RGS6: variants seen among roughly 807,000 people sequenced by gnomAD.
The protein encoded by RGS6 is regulator of G protein signaling 6.
RGS6 carries 30 observed loss-of-function variants against 78.5 expected under a neutral mutation model. The ratio of observed to expected loss-of-function variants is 0.38; its 90% confidence interval spans 0.29 to 0.52. RGS6 has a LOEUF of 0.52. Ranked by LOEUF, RGS6 falls within the 20% of genes least tolerant of loss-of-function variation. The probability of loss-of-function intolerance (pLI) is 0.85; values close to 1 mark genes in which losing one functional copy is unlikely to be tolerated. For missense variants in RGS6, 495 were observed against 609.7 expected (o/e 0.81, Z 1.98); for synonymous variants, 206 against 206.0 (o/e 1.00, Z 0.00).
chr14:72,259,784 G>A (rs999514780), intron 2 of RGS6, among the ~76,000 whole-genome samples: 2 of 151,796 alleles, frequency 1.3e-5, no homozygotes, highest in East Asian at 1.9e-4. Flanking sequence ...GGTGGCAGGC[G>A]CCTGTAGTCC....
At chr14:72,445,243 G>C (rs1426422536) in intron 3 of RGS6, among the ~76,000 whole-genome samples, 1 of 152,230 alleles carries the variant, frequency 6.6e-6, no homozygotes, top group Non-Finnish European at 1.5e-5. Context: ...CCAGGCTGGA[G>C]TGTAGTGGTG....
At chr14:72,293,053 G>A (rs970497974) in intron 2 of RGS6, among the ~76,000 whole-genome samples, 8 of 151,988 alleles carry the variant, frequency 5.3e-5, no homozygotes, top group East Asian at 1.9e-4. Flanking sequence ...CTTTCTAACC[G>A]CTCCTCTGCC....
upstream of RGS6, among the ~76,000 whole-genome samples, chr14:71,927,803 G>A (rs552068189): frequency 7.9e-5 from 12 of 151,372 alleles, no homozygotes; most frequent in Admixed American, 2.6e-4. Context: ...GACTACAGGC[G>A]CGCGCCACCA....
At chr14:72,171,026 G>C (rs1372939080) in intron 2 of RGS6, among the ~76,000 whole-genome samples, 1 of 152,082 alleles carries the variant, frequency 6.6e-6, no homozygotes, top group South Asian at 2.1e-4. Context: ...AGAAATCTAG[G>C]TAATTTTTGC....
intron 2 of RGS6, among the ~76,000 whole-genome samples, chr14:72,141,185 A>C (rs994870214): frequency 6.6e-6 from 1 of 152,182 alleles, no homozygotes; most frequent in Non-Finnish European, 1.5e-5. Context: ...GGGGCCATTC[A>C]CTGACCCAGA....
At chr14:71,886,870 G>A in the RGS6 span, among the ~76,000 whole-genome samples, 1 of 152,106 alleles carries the variant, frequency 6.6e-6, no homozygotes, top group Non-Finnish European at 1.5e-5. Context: ...TGCAAGAGAT[G>A]CTGAGAACTG....
intron 3 of RGS6, among the ~76,000 whole-genome samples, chr14:72,370,150 T>TAAAA (rs11432261): frequency 6.8e-6 from 1 of 146,784 alleles, no homozygotes; most frequent in Non-Finnish European, 1.5e-5. Context: ...CAAAATCTGG[T>TAAAA]AAAAAAAAAA....
chr14:72,176,565 C>G (rs1460215942), intron 2 of RGS6, among the ~76,000 whole-genome samples: 1 of 152,194 alleles, frequency 6.6e-6, no homozygotes, highest in Non-Finnish European at 1.5e-5. Context: ...AGGAGACAAT[C>G]CCCTTACAAA....
chr14:71,947,042 T>G (rs969421934), intron 1 of RGS6, among the ~76,000 whole-genome samples: 7 of 152,164 alleles, frequency 4.6e-5, no homozygotes, highest in Admixed American at 2.0e-4. Context: ...CTTCTTGCTG[T>G]TTTTCAGGCT....
chr14:72,217,873 A>G lies in RGS6; in HGVS notation c.85-134222A>G, dbSNP rs142227632. Among the ~76,000 whole-genome samples the G allele has an allele frequency of 3.1e-3, 475 of 152,346 alleles. 3 individuals carry two copies. Among genetic ancestry groups the G allele is most frequent in the Middle Eastern group, 0.017 (5 of 294 alleles). Reference sequence around the variant, plus strand: ...AACACTCCAGGTATTTTAAAAATGTATGTACATCTATATATGTATTCACAC... The same window carrying G: ...AACACTCCAGGTATTTTAAAAATGTGTGTACATCTATATATGTATTCACAC... On this transcript the variant is annotated intron_variant, in intron 2 of 17. Transcript: ENST00000553525.
At chr14:72,590,088 A>G in the RGS6 span, among the ~76,000 whole-genome samples, 1 of 152,240 alleles carries the variant, frequency 6.6e-6, no homozygotes, top group Non-Finnish European at 1.5e-5. Flanking sequence ...AACCAATGGG[A>G]TCCCACTACA....
chr14:72,440,929 T>C (rs115949721), intron 3 of RGS6, among the ~76,000 whole-genome samples: 1,723 of 151,558 alleles, frequency 0.011, 39 homozygotes, highest in African/African-American at 0.039. Context: ...GGTGTGAATA[T>C]GTGTGAGCGT....
At chr14:71,872,245 AAAG>A in the RGS6 span, among the ~76,000 whole-genome samples, 16 of 152,286 alleles carry the variant, frequency 1.1e-4, 1 homozygote, top group East Asian at 5.8e-4. Flanking sequence ...GGATCAGATA[AAAG>A]AAGAACTGAT....
the RGS6 span, among the ~76,000 whole-genome samples, chr14:72,611,728 G>A: frequency 6.6e-5 from 10 of 152,152 alleles, no homozygotes; most frequent in East Asian, 1.9e-3. Flanking sequence ...GTCATCCAAG[G>A]GCATCCAGTG....
intron 16 of RGS6, among the ~76,000 whole-genome samples, 196 bp from the exon 17 acceptor site, chr14:72,539,845 G>C (rs957209307): frequency 2.0e-5 from 3 of 152,180 alleles, no homozygotes; most frequent in Admixed American, 6.5e-5. Context: ...ACCATTTCTC[G>C]TGGGCTTCTG....
At chr14:72,265,667 T>A (rs1248838154) in intron 2 of RGS6, among the ~76,000 whole-genome samples, 2 of 152,162 alleles carry the variant, frequency 1.3e-5, no homozygotes, top group Non-Finnish European at 2.9e-5. Flanking sequence ...CAAAGTGGCT[T>A]GCCTGTGTCA....
intron 2 of RGS6, among the ~76,000 whole-genome samples, chr14:72,157,942 A>G (rs1048749324): frequency 3.3e-5 from 5 of 152,000 alleles, no homozygotes; most frequent in Non-Finnish European, 7.4e-5. Context: ...TGCTGCACCC[A>G]TCAACCTGCC....
At chr14:72,251,363 A>C (rs542506987) in intron 2 of RGS6, among the ~76,000 whole-genome samples, 1 of 152,112 alleles carries the variant, frequency 6.6e-6, no homozygotes, top group East Asian at 1.9e-4. Context: ...GTTTAAGACT[A>C]TTACAATTCT....
intron 2 of RGS6, among the ~76,000 whole-genome samples, chr14:72,288,358 A>C (rs1054010353): frequency 6.6e-6 from 1 of 152,236 alleles, no homozygotes; most frequent in African/African-American, 2.4e-5. Flanking sequence ...AATTTACTCC[A>C]TAATACTACT....
Sources: allele counts gnomAD v4.1 joint callset (sites outside exome capture counted in the v4.1 genomes callset), GRCh38; gene constraint gnomAD v4.1.1; transcripts MANE v1.5; gene names NCBI Gene and HGNC (gene_info 2026-07-23, HGNC 2026-07-21).